MAST4: variants seen among roughly 807,000 people sequenced by gnomAD.
MAST4 encodes microtubule-associated serine/threonine-protein kinase 4.
A neutral mutation model predicts 162.7 loss-of-function variants in MAST4; 89 were observed. That is an observed-to-expected ratio of 0.55 (90% CI 0.46 to 0.65). The LOEUF is 0.65. Among genes scored for constraint, MAST4 ranks in the 30% least tolerant of loss-of-function variants. The pLI is 0.00. For missense variants in MAST4, 3,153 were observed against 3,374.0 expected, an observed-to-expected ratio of 0.93 and a Z score of 1.62; for synonymous variants, 1,479 against 1,361.1, an observed-to-expected ratio of 1.09 and a Z score of -1.91.
At chr5:67,136,851 C>T (rs181671636) in intron 19 of MAST4, among the ~76,000 whole-genome samples, 187 bp downstream of exon 19, 3 of 152,136 alleles carry the variant, frequency 2.0e-5, no homozygotes, top group East Asian at 1.9e-4. Context: ...ACAGTGTGTA[C>T]GCTAAGAGGG....
intron 1 of MAST4, among the ~76,000 whole-genome samples, chr5:66,671,054 T>TTG (rs1027338193): frequency 4.6e-5 from 7 of 152,112 alleles, no homozygotes; most frequent in Admixed American, 2.6e-4. Flanking sequence ...GTTGCTGTGA[T>TTG]TGTGTGTGTG....
At chr5:67,004,889 T>A in intron 4 of MAST4, 1 of 669,928 alleles carries the variant, frequency 1.5e-6, no homozygotes, top group Non-Finnish European at 2.7e-6. Context: ...AGTAGATAAT[T>A]GGGATTTTTT....
intron 2 of MAST4, among the ~76,000 whole-genome samples, chr5:66,781,534 C>T (rs1441592803): frequency 1.3e-5 from 2 of 152,148 alleles, no homozygotes; most frequent in Non-Finnish European, 2.9e-5. Context: ...TTCTTCCTGC[C>T]TTCCTTTTAT....
chr5:66,823,994 A>G (rs1233856385), intron 3 of MAST4, among the ~76,000 whole-genome samples: 1 of 152,186 alleles, frequency 6.6e-6, no homozygotes, highest in Non-Finnish European at 1.5e-5. Context: ...AGCTAATACA[A>G]CATATTCATT....
intron 16 of MAST4, 101 bp downstream of exon 16, chr5:67,132,052 T>G (rs1769036278): frequency 3.1e-6 from 4 of 1,298,118 alleles, no homozygotes; most frequent in Non-Finnish European, 4.2e-6. Context: ...TTTTAAATTA[T>G]TCCATAATGT....
At chr5:66,661,379 G>A (rs1157369243) in intron 1 of MAST4, among the ~76,000 whole-genome samples, 1 of 152,116 alleles carries the variant, frequency 6.6e-6, no homozygotes, top group Admixed American at 6.5e-5. Flanking sequence ...ACATGCTCCC[G>A]CTGTCTGCTT....
chr5:67,149,421 A>G lies in MAST4; in HGVS notation c.3127A>G (p.Asn1043Asp). The G allele has an allele frequency of 6.2e-7, 1 of 1,613,444 alleles. No homozygotes were observed. Among genetic ancestry groups the G allele is most frequent in the Non-Finnish European group, 8.5e-7 (1 of 1,179,692 alleles). The change falls in exon 24 of 29, where the codon AAT (asparagine) becomes GAT (aspartate). Residue 1043 changes from asparagine (N) to aspartate (D), a missense_variant. Asn to Asp is a conservative substitution (Grantham distance 23). This residue lies in a region of MAST4 where 619 missense variants were observed against 744.2 expected (regional missense o/e 0.83). Transcript: ENST00000403625. The part of the protein sequence containing the change: ...GSFSEHLDQI[N>D]GRSECVDSTD... ...TTTTTCAGAGCACTTGGATCAGATA[A>G]ATGGACGAAGCGAGTGTGTGGACAG...
At chr5:66,938,432 G>T (rs1743000152) in intron 4 of MAST4, among the ~76,000 whole-genome samples, 1 of 152,108 alleles carries the variant, frequency 6.6e-6, no homozygotes, top group Non-Finnish European at 1.5e-5. Context: ...TGAAAAAATT[G>T]CCGGAATTTA....
intron 1 of MAST4, among the ~76,000 whole-genome samples, chr5:66,609,765 G>A (rs1242154862): frequency 6.8e-6 from 1 of 147,696 alleles, no homozygotes; most frequent in Non-Finnish European, 1.5e-5. Context: ...TCTGGACTAA[G>A]CTATTGGTGA....
intron 1 of MAST4, among the ~76,000 whole-genome samples, chr5:66,598,832 A>T (rs1382443728): frequency 6.6e-6 from 1 of 152,104 alleles, no homozygotes; most frequent in Non-Finnish European, 1.5e-5. Flanking sequence ...GGAACTTCTG[A>T]TCCCCATTCT....
intron 4 of MAST4, among the ~76,000 whole-genome samples, chr5:66,983,362 G>A (rs958931893): frequency 1.3e-5 from 2 of 152,208 alleles, no homozygotes; most frequent in Non-Finnish European, 2.9e-5. Flanking sequence ...ATCTGTATGT[G>A]TGACTTTGGA....
rs780946714 is a variant in MAST4, at chr5:66,596,994, G to A, written c.339G>A (p.Ala113=). The A allele has an allele frequency of 1.2e-5, 17 of 1,449,786 alleles. No individual in the cohort carries two copies. In the South Asian group the frequency reaches 1.9e-4, roughly 16 times the overall value. 89.8% of individuals were successfully genotyped at this position (1,449,786 alleles called of 1,614,324 possible). Residue 113 remains alanine, a synonymous_variant, in exon 1 of 29, where the codon GCG becomes GCA. Transcript: ENST00000403625. ...CGCCCGCGCCCCGGGGCAGCAGCGC[G>A]TCCCAGGAGGAGCAGGACGAGGAGG... The part of the protein sequence containing the change: ...AVPPAPRGSS[A]SQEEQDEELD...
chr5:66,928,323 T>A (rs1286213513), intron 4 of MAST4, among the ~76,000 whole-genome samples: 1 of 152,170 alleles, frequency 6.6e-6, no homozygotes. Flanking sequence ...GGGTCCATAG[T>A]CCCATTGATA....
chr5:66,730,033 AT>A (rs573780671), intron 1 of MAST4, among the ~76,000 whole-genome samples: 1 of 151,962 alleles, frequency 6.6e-6, no homozygotes, highest in African/African-American at 2.4e-5. Flanking sequence ...GGATTATTTT[AT>A]TTTTTTTCTT....
intron 1 of MAST4, among the ~76,000 whole-genome samples, chr5:66,757,000 T>C (rs1753580717): frequency 6.6e-6 from 1 of 152,238 alleles, no homozygotes; most frequent in African/African-American, 2.4e-5. Flanking sequence ...ATATGTGCGA[T>C]ATGTGATGAA....
At chr5:66,626,722 A>G (rs962452364) in intron 1 of MAST4, among the ~76,000 whole-genome samples, 1 of 152,218 alleles carries the variant, frequency 6.6e-6, no homozygotes, top group African/African-American at 2.4e-5. Flanking sequence ...AGTGCTGAAA[A>G]TGCCATGCTG....
chr5:66,991,713 A>C (rs1750082431), intron 4 of MAST4, among the ~76,000 whole-genome samples: 3 of 152,224 alleles, frequency 2.0e-5, no homozygotes, highest in Admixed American at 1.3e-4. Flanking sequence ...TAAATAGAAA[A>C]ATGATTATTT....
At chr5:66,915,900 G>T (rs1444813479) in intron 4 of MAST4, among the ~76,000 whole-genome samples, 1 of 152,156 alleles carries the variant, frequency 6.6e-6, no homozygotes, top group Non-Finnish European at 1.5e-5. Context: ...GTTTCTCTTC[G>T]ATTGGACCAT....
At chr5:66,816,201 A>G (rs1404636453) in intron 3 of MAST4, among the ~76,000 whole-genome samples, 1 of 152,158 alleles carries the variant, frequency 6.6e-6, no homozygotes, top group African/African-American at 2.4e-5. Flanking sequence ...ACTTTCTTGA[A>G]ACATTATGAG....
Sources: allele counts gnomAD v4.1 joint callset (sites outside exome capture counted in the v4.1 genomes callset), GRCh38; gene constraint gnomAD v4.1.1; regional missense constraint gnomAD v4.1.1; transcripts MANE v1.5; gene names NCBI Gene and HGNC (gene_info 2026-07-23, HGNC 2026-07-21).